IAPP: variants seen among roughly 807,000 people sequenced by gnomAD.
The protein encoded by IAPP is islet amyloid polypeptide, also known as Islet amyloid polypeptide (diabetes-associated peptide; amylin).
IAPP carries 4 observed loss-of-function variants against 2.9 expected under a neutral mutation model. The ratio of observed to expected loss-of-function variants is 1.39; its 90% confidence interval spans 0.69 to 3.19. IAPP has a LOEUF of 3.19. IAPP is among the 30% of genes most tolerant of loss of function. The pLI is 0.01. For synonymous variants in IAPP, 40 were observed against 42.1 expected (o/e 0.95, Z 0.19); for missense variants, 114 against 105.3 (o/e 1.08, Z -0.36).
At chr12:21,356,742 T>C (rs1034327715) in intron 1 of IAPP, among the ~76,000 whole-genome samples, 9 of 152,072 alleles carry the variant, frequency 5.9e-5, no homozygotes, top group African/African-American at 1.9e-4. Context: ...AACATTTAAA[T>C]AATAGTAGCT....
At chr12:21,367,870 A>C (rs1416891949) in intron 1 of IAPP, among the ~76,000 whole-genome samples, 1 of 152,154 alleles carries the variant, frequency 6.6e-6, no homozygotes, top group African/African-American at 2.4e-5. Context: ...AAAAAGAAAA[A>C]TCATATATCT....
chr12:21,367,632 TA>T (rs1387494390), intron 1 of IAPP, among the ~76,000 whole-genome samples: 1 of 151,738 alleles, frequency 6.6e-6, no homozygotes, highest in Admixed American at 6.6e-5. Flanking sequence ...AAAGGTTAAA[TA>T]AAAAAGGAAA....
chr12:21,361,682 G>C (rs12824228), intron 1 of IAPP, among the ~76,000 whole-genome samples: 1 of 151,734 alleles, frequency 6.6e-6, no homozygotes, highest in South Asian at 2.1e-4. Context: ...AGAAAAGACA[G>C]TGTAGAGAAG....
chr12:21,363,660 AAAG>A (rs1772212630), intron 1 of IAPP, among the ~76,000 whole-genome samples: 2 of 152,186 alleles, frequency 1.3e-5, no homozygotes, highest in Non-Finnish European at 2.9e-5. Context: ...CAAGACTAAT[AAAG>A]AAGAAAAGAG....
At chr12:21,356,099 T>A (rs1449767596) in intron 1 of IAPP, among the ~76,000 whole-genome samples, 1 of 152,062 alleles carries the variant, frequency 6.6e-6, no homozygotes, top group Admixed American at 6.5e-5. Context: ...AGAATCAGAA[T>A]AAATTTGAAT....
chr12:21,378,365 A>G lies in IAPP; in HGVS notation c.209A>G (p.Tyr70Cys). ...LSSTNVGSNT[Y>C]GKRNAVEVLK... is the part of the protein sequence containing the mutation. ...TCTACCAACGTGGGATCCAATACAT[A>G]TGGCAAGAGGAATGCAGTAGAGGTT... The change falls in exon 3 of 3, where the codon TAT becomes TGT. Residue 70 changes from tyrosine to cysteine, a missense_variant. Transcript: ENST00000240652. 11 of 1,614,184 alleles carry G rather than the reference A, an allele frequency of 6.8e-6. No individual in the cohort carries two copies. Among genetic ancestry groups the G allele is most frequent in the Non-Finnish European group, 9.3e-6 (11 of 1,180,000 alleles).
At chr12:21,358,754 T>C (rs373719701) in intron 1 of IAPP, among the ~76,000 whole-genome samples, 3 of 134,354 alleles carry the variant, frequency 2.2e-5, no homozygotes, top group Non-Finnish European at 4.8e-5. Flanking sequence ...TTGTTGGAGA[T>C]ACTTTTAAAA....
intron 1 of IAPP, among the ~76,000 whole-genome samples, chr12:21,365,198 G>A (rs1371678065): frequency 6.6e-6 from 1 of 152,048 alleles, no homozygotes; most frequent in African/African-American, 2.4e-5. Context: ...CCAAAACAGA[G>A]ATATAGACCA....
At chr12:21,361,461 C>G (rs749545421) in intron 1 of IAPP, among the ~76,000 whole-genome samples, 6 of 152,158 alleles carry the variant, frequency 3.9e-5, no homozygotes, top group Admixed American at 3.3e-4. Flanking sequence ...GCTGAAAATT[C>G]TAAAAATTAG....
At chr12:21,372,571 G>T (rs974942892), upstream of IAPP, among the ~76,000 whole-genome samples, 4 of 152,208 alleles carry the variant, frequency 2.6e-5, no homozygotes, top group African/African-American at 7.2e-5. Context: ...TTGCATATAT[G>T]CACATTTGTT....
In IAPP at chr12:21,378,293, C is replaced by G; in HGVS notation, c.137C>G (p.Ala46Gly). ...NTATCATQRL[A>G]NFLVHSSNNF... ...GCCACATGTGCAACGCAGCGCCTGGCAAATTTTTTAGTTCATTCCAGCAAC... is the reference window on the plus strand; with the variant it reads ...GCCACATGTGCAACGCAGCGCCTGGGAAATTTTTTAGTTCATTCCAGCAAC... The change falls in exon 3 of 3, where the codon GCA becomes GGA. Residue 46 changes from alanine (A) to glycine (G), a missense_variant. Physicochemically the swap from Ala to Gly is moderately conservative, Grantham distance 60 (BLOSUM62 0). Transcript: ENST00000240652. 1 of 1,614,158 alleles carries G rather than the reference C, an allele frequency of 6.2e-7. No homozygotes were observed. Among genetic ancestry groups the G allele is most frequent in the Non-Finnish European group, 8.5e-7 (1 of 1,180,000 alleles).
intron 1 of IAPP, among the ~76,000 whole-genome samples, chr12:21,359,010 T>A (rs1938599916): frequency 6.6e-6 from 1 of 152,186 alleles, no homozygotes; most frequent in Non-Finnish European, 1.5e-5. Context: ...ATCTTCAGAA[T>A]CCTATGCTTA....
intron 1 of IAPP, among the ~76,000 whole-genome samples, chr12:21,365,185 G>A (rs916964557): frequency 1.3e-5 from 2 of 152,110 alleles, no homozygotes; most frequent in South Asian, 2.1e-4. Context: ...CATGGTACTG[G>A]TACCAAAACA....
At chr12:21,361,404 G>A (rs1014045046) in intron 1 of IAPP, among the ~76,000 whole-genome samples, 1 of 152,098 alleles carries the variant, frequency 6.6e-6, no homozygotes, top group Admixed American at 6.5e-5. Flanking sequence ...GATCAGAGAC[G>A]AAATGTAGAT....
upstream of IAPP, among the ~76,000 whole-genome samples, chr12:21,371,645 TA>T (rs1173895560): frequency 1.5e-4 from 23 of 152,228 alleles, no homozygotes; most frequent in African/African-American, 5.5e-4. Flanking sequence ...AATTGAAATT[TA>T]TTTGCTTTAC....
intron 1 of IAPP, among the ~76,000 whole-genome samples, chr12:21,362,475 G>A (rs543649280): frequency 6.6e-6 from 1 of 152,182 alleles, no homozygotes; most frequent in African/African-American, 2.4e-5. Flanking sequence ...TTGGTACTAG[G>A]AGGAAACTGC....
chr12:21,369,773 T>C (rs1457613017), upstream of IAPP, among the ~76,000 whole-genome samples: 4 of 152,200 alleles, frequency 2.6e-5, no homozygotes, highest in South Asian at 6.2e-4. Context: ...CAGCACCTCA[T>C]TCACACTTTG....
intron 1 of IAPP, among the ~76,000 whole-genome samples, chr12:21,357,015 A>T (rs1477598987): frequency 6.6e-6 from 1 of 152,190 alleles, no homozygotes; most frequent in Non-Finnish European, 1.5e-5. Flanking sequence ...TAGTAAAAGA[A>T]ATAATTTCAC....
At chr12:21,360,342 C>T (rs764906) in intron 1 of IAPP, among the ~76,000 whole-genome samples, 49,250 of 151,946 alleles carry the variant, frequency 0.32, 8,291 homozygotes, top group East Asian at 0.46. Flanking sequence ...AGGTGTAAAA[C>T]GACACCAATA....
Sources: gnomAD v4.1 joint callset for allele counts (sites outside exome capture counted in the v4.1 genomes callset) on GRCh38, gnomAD v4.1.1 for gene constraint, MANE v1.5 for transcripts, NCBI Gene and HGNC (gene_info 2026-07-23, HGNC 2026-07-21) for gene names.